The following GRXCR1 variants were observed in gnomAD, a reference collection of about 807,000 sequenced individuals.
GRXCR1 encodes glutaredoxin and cysteine rich domain containing 1.
In GRXCR1, 27 loss-of-function variants were observed where a neutral mutation model predicts 27.3. That is an observed-to-expected ratio of 0.99 (90% CI 0.73 to 1.37). The LOEUF is 1.37. Ranked by LOEUF, GRXCR1 falls within the 40% of genes most tolerant of loss-of-function variation. The pLI is 0.00. For missense variants in GRXCR1, 379 were observed against 354.4 expected, an observed-to-expected ratio of 1.07 and a Z score of -0.56; for synonymous variants, 122 against 131.1, an observed-to-expected ratio of 0.93 and a Z score of 0.47.
At chr4:42,979,912 A>G (rs566137583) in intron 2 of GRXCR1, among the ~76,000 whole-genome samples, 150 of 152,030 alleles carry the variant, frequency 9.9e-4, no homozygotes, top group African/African-American at 3.5e-3. Flanking sequence ...ATGTCCAGGA[A>G]TTCATTCATT....
At chr4:42,921,704 A>G (rs889161238) in intron 1 of GRXCR1, among the ~76,000 whole-genome samples, 3 of 152,224 alleles carry the variant, frequency 2.0e-5, no homozygotes, top group African/African-American at 2.4e-5. Context: ...TCTTAAAAAA[A>G]TCTTGTCAAC....
chr4:42,981,743 A>G (rs1043113800), intron 2 of GRXCR1, among the ~76,000 whole-genome samples: 1 of 152,036 alleles, frequency 6.6e-6, no homozygotes, highest in Non-Finnish European at 1.5e-5. Flanking sequence ...AGTACTTTTA[A>G]TGTATCATCC....
intron 2 of GRXCR1, among the ~76,000 whole-genome samples, chr4:43,007,287 C>T (rs1479914864): frequency 1.3e-5 from 2 of 152,052 alleles, no homozygotes; most frequent in African/African-American, 2.4e-5. Context: ...TGGGCTTGTT[C>T]TAGGAGCTAG....
intron 2 of GRXCR1, among the ~76,000 whole-genome samples, chr4:42,996,612 T>G (rs1712169647): frequency 6.6e-6 from 1 of 152,268 alleles, no homozygotes; most frequent in African/African-American, 2.4e-5. Context: ...TCAAGTTTTT[T>G]TTTTCAAATA....
intron 1 of GRXCR1, among the ~76,000 whole-genome samples, chr4:42,917,375 T>C (rs994534949): frequency 6.6e-6 from 1 of 152,130 alleles, no homozygotes; most frequent in Non-Finnish European, 1.5e-5. Context: ...AGCTGATGAA[T>C]GAAATTGTTT....
At chr4:42,902,509 T>A (rs1746483962) in intron 1 of GRXCR1, among the ~76,000 whole-genome samples, 1 of 149,790 alleles carries the variant, frequency 6.7e-6, no homozygotes, top group Non-Finnish European at 1.5e-5. Flanking sequence ...ATGTACCACA[T>A]TTTCTTTATC....
intron 1 of GRXCR1, among the ~76,000 whole-genome samples, chr4:42,954,802 A>G (rs892286940): frequency 2.6e-5 from 4 of 152,182 alleles, no homozygotes; most frequent in Non-Finnish European, 5.9e-5. Context: ...GAATGGAAAC[A>G]GATCTAGGAA....
chr4:43,020,683 G>A (rs989108067), intron 3 of GRXCR1, among the ~76,000 whole-genome samples: 8 of 152,130 alleles, frequency 5.3e-5, no homozygotes, highest in Non-Finnish European at 7.4e-5. Context: ...TAATACAGAC[G>A]TTGATGAGGT....
At chr4:42,954,179 A>G (rs1415977825) in intron 1 of GRXCR1, among the ~76,000 whole-genome samples, 1 of 152,166 alleles carries the variant, frequency 6.6e-6, no homozygotes, top group Non-Finnish European at 1.5e-5. Context: ...TAGTATATAC[A>G]ATGTAACATC....
At chr4:42,932,624 AGAGAGAGAGAGAGAGAG>A (rs1747354279) in intron 1 of GRXCR1, among the ~76,000 whole-genome samples, 1 of 25,864 alleles carries the variant, frequency 3.9e-5, no homozygotes, top group Non-Finnish European at 7.9e-5. Context: ...ATATATAGAG[AGAGAGAGAGAGAGAGAG>A]AGAGAGAGAG....
chr4:42,980,168 C>T (rs978004394), intron 2 of GRXCR1, among the ~76,000 whole-genome samples: 2 of 151,054 alleles, frequency 1.3e-5, no homozygotes, highest in African/African-American at 4.9e-5. Context: ...TGTTAATTTT[C>T]TTCATTCTAC....
At chr4:42,978,905 T>C (rs1748585896) in intron 2 of GRXCR1, among the ~76,000 whole-genome samples, 1 of 151,978 alleles carries the variant, frequency 6.6e-6, no homozygotes, top group South Asian at 2.1e-4. Context: ...TGATAGTGAG[T>C]GAGTTCTCAC....
intron 1 of GRXCR1, among the ~76,000 whole-genome samples, chr4:42,948,778 G>T (rs1290560515): frequency 6.6e-6 from 1 of 152,174 alleles, no homozygotes; most frequent in Admixed American, 6.5e-5. Flanking sequence ...CTTATAAAAA[G>T]GAGGCAGGAA....
At chr4:42,963,699 C>G (rs1242674264) in intron 2 of GRXCR1, among the ~76,000 whole-genome samples, 1 of 151,858 alleles carries the variant, frequency 6.6e-6, no homozygotes, top group Non-Finnish European at 1.5e-5. Flanking sequence ...GCAGAACATG[C>G]CTGTTTCATT....
intron 1 of GRXCR1, among the ~76,000 whole-genome samples, chr4:42,957,620 C>T (rs901812037): frequency 2.6e-5 from 4 of 151,674 alleles, no homozygotes; most frequent in Non-Finnish European, 4.4e-5. Context: ...ATTTCTTATT[C>T]TTTTTCTTTT....
chr4:42,997,993 T>C (rs1712228727), intron 2 of GRXCR1, among the ~76,000 whole-genome samples: 1 of 152,194 alleles, frequency 6.6e-6, no homozygotes, highest in African/African-American at 2.4e-5. Flanking sequence ...CATTTTAAAA[T>C]AGAAGAGAAT....
intron 2 of GRXCR1, among the ~76,000 whole-genome samples, chr4:43,018,010 C>T (rs958859235): frequency 2.6e-5 from 4 of 152,106 alleles, no homozygotes; most frequent in Non-Finnish European, 4.4e-5. Context: ...TGAAATGTGC[C>T]AAGTAGGCTA....
chr4:42,954,280 A>G (rs1038597126), intron 1 of GRXCR1, among the ~76,000 whole-genome samples: 1 of 152,170 alleles, frequency 6.6e-6, no homozygotes, highest in African/African-American at 2.4e-5. Flanking sequence ...ACATTTAACC[A>G]GAGATTAGAA....
At chr4:43,018,389 G>T (rs1326036978) in intron 2 of GRXCR1, among the ~76,000 whole-genome samples, 3 of 152,172 alleles carry the variant, frequency 2.0e-5, no homozygotes, top group Non-Finnish European at 4.4e-5. Flanking sequence ...AGACACCCAG[G>T]TGTCTTGAAA....
Sources: gnomAD v4.1 joint callset for allele counts (sites outside exome capture counted in the v4.1 genomes callset) on GRCh38, gnomAD v4.1.1 for gene constraint, MANE v1.5 for transcripts, NCBI Gene and HGNC (gene_info 2026-07-23, HGNC 2026-07-21) for gene names.